CCDC69: variants seen among roughly 807,000 people sequenced by gnomAD.
CCDC69 encodes coiled-coil domain containing 69.
Under a neutral mutation model 40.3 loss-of-function variants are expected in CCDC69, and 38 were observed. The observed-to-expected ratio is 0.94, with a 90% CI of 0.73 to 1.24. The LOEUF (loss-of-function observed/expected upper bound fraction) is 1.24, where lower values mean the gene tolerates loss of function less well. CCDC69 is among the 50% of genes most tolerant of loss of function. CCDC69 has a pLI of 0.00. For missense variants in CCDC69, 389 were observed against 357.9 expected (o/e 1.09, Z -0.70); for synonymous variants, 141 against 138.9 (o/e 1.02, Z -0.11).
At chr5:151,187,075 C>T (rs1304756623) in intron 5 of CCDC69, among the ~76,000 whole-genome samples, 2 of 152,180 alleles carry the variant, frequency 1.3e-5, no homozygotes, top group Non-Finnish European at 2.9e-5. Context: ...CAGATGCTTC[C>T]CTGCATCCTT....
At chr5:151,197,512 G>A (rs1478830257) in intron 4 of CCDC69, among the ~76,000 whole-genome samples, 3 of 152,058 alleles carry the variant, frequency 2.0e-5, no homozygotes, top group Admixed American at 6.6e-5. Flanking sequence ...AACAGAGCGA[G>A]ACCCTGTCTC....
chr5:151,190,699 G>C (rs907389716), intron 4 of CCDC69, among the ~76,000 whole-genome samples: 2 of 141,834 alleles, frequency 1.4e-5, no homozygotes, highest in African/African-American at 5.3e-5. Flanking sequence ...ACTCTAAGTA[G>C]ATTGTTAAGT....
chr5:151,215,533 TG>T, intron 1 of CCDC69: 6 of 298,320 alleles, frequency 2.0e-5, no homozygotes, highest in South Asian at 1.4e-4. Context: ...CACACTCAGC[TG>T]TTAGCTCTGG....
At chr5:151,192,523 G>C (rs985210808) in intron 4 of CCDC69, among the ~76,000 whole-genome samples, 2 of 151,552 alleles carry the variant, frequency 1.3e-5, no homozygotes, top group East Asian at 3.9e-4. Flanking sequence ...AAAAGAAATT[G>C]AATTTGTTGT....
chr5:151,219,753 C>T (rs756782542), intron 1 of CCDC69, among the ~76,000 whole-genome samples: 1 of 152,090 alleles, frequency 6.6e-6, no homozygotes, highest in East Asian at 1.9e-4. Flanking sequence ...ATTTCTTATA[C>T]TTTCCCACAT....
chr5:151,189,233 G>A (rs974954275), intron 4 of CCDC69, among the ~76,000 whole-genome samples: 6 of 152,112 alleles, frequency 3.9e-5, no homozygotes, highest in African/African-American at 1.4e-4. Context: ...AAGTAAGAGT[G>A]AATATACTTT....
chr5:151,192,348 A>G (rs533663005), intron 4 of CCDC69, among the ~76,000 whole-genome samples: 1 of 152,118 alleles, frequency 6.6e-6, no homozygotes, highest in African/African-American at 2.4e-5. Context: ...ATGAAATATC[A>G]CTACAGACAC....
At chr5:151,203,268 G>A (rs1262241810) in intron 2 of CCDC69, among the ~76,000 whole-genome samples, 1 of 151,982 alleles carries the variant, frequency 6.6e-6, no homozygotes, top group African/African-American at 2.4e-5. Context: ...CCAGCACTTT[G>A]GGAGGCCGAG....
chr5:151,194,890 T>TAAAA (rs1315197834), intron 4 of CCDC69, among the ~76,000 whole-genome samples: 1 of 27,868 alleles, frequency 3.6e-5, no homozygotes, highest in African/African-American at 1.7e-4. Context: ...AGCCTCCATC[T>TAAAA]CAAAAAAAAA....
In CCDC69 at chr5:151,183,474, G is replaced by A. The variant is rs751524937; in HGVS notation, c.854C>T (p.Pro285Leu). Residue 285 changes from proline to leucine, a missense_variant, in exon 9 of 9, where the codon CCT becomes CTT. By Grantham distance (98) the Pro-to-Leu change is moderately conservative. Transcript: ENST00000355417. ...ANASPAFPLA[P>L]VTPTEVSFLA... The stretch of plus-strand genomic sequence containing the variant: ...GAAAGAGACCTCAGTGGGAGTGACA[G>A]GGGCCAGAGGGAAGGCAGGCGAGGC... 3 of 1,606,188 alleles carry A rather than the reference G, an allele frequency of 1.9e-6. No individual in the cohort carries two copies. Among genetic ancestry groups the A allele is most frequent in the Middle Eastern group, 1.7e-4 (1 of 6,048 alleles).
intron 7 of CCDC69, 110 bp from the exon 8 acceptor site, chr5:151,184,551 A>G: frequency 3.1e-6 from 2 of 655,738 alleles, no homozygotes; most frequent in Non-Finnish European, 5.4e-6. Context: ...ATTCTAGACT[A>G]GATGTTACAT....
intron 8 of CCDC69, among the ~76,000 whole-genome samples, chr5:151,183,958 TGA>T (rs1160077408): frequency 1.3e-5 from 2 of 152,176 alleles, no homozygotes; most frequent in African/African-American, 4.8e-5. Context: ...GAGGATTAGA[TGA>T]GAAAATATGT....
At position 151,201,670 on chromosome 5, in the gene CCDC69, C is replaced by G; in HGVS notation, c.143G>C (p.Cys48Ser). Residue 48 changes from cysteine to serine, a missense_variant, in exon 3 of 9, where the codon TGT becomes TCT. Transcript: ENST00000355417. ...NGDTAITVQLCASEEAERHQK... is the reference protein window; with the variant it reads ...NGDTAITVQLSASEEAERHQK... ...GTGCCGCTCAGCCTCCTCTGATGCA[C>G]AGAGCTGGACAGTTATAGCTAGAGA... 1 of 1,610,714 alleles carries G rather than the reference C, an allele frequency of 6.2e-7. No individual in the cohort carries two copies. The highest frequency in any genetic ancestry group is 8.5e-7 in the Non-Finnish European group (1 of 1,178,454).
In CCDC69 at chr5:151,221,293, C is replaced by T. The variant is rs548236798; in HGVS notation, c.48+2630G>A. Among the ~76,000 whole-genome samples, 9 of 152,292 alleles carry T rather than the reference C, an allele frequency of 5.9e-5. No individual in the cohort carries two copies. The South Asian group carries it at 1.7e-3, about 28-fold the overall frequency. ...AAAGTGCCTGCCTCATTCCTTGCTG[C>T]CTGCCACCTCCATTCTCCACAAAGA... is the stretch of plus-strand genomic sequence containing the variant. On this transcript the variant is annotated intron_variant, in intron 1 of 8. Coordinates refer to ENST00000355417, the MANE Select transcript of CCDC69 (RefSeq NM_015621.3).
intron 5 of CCDC69, 128 bp from the exon 6 acceptor site, chr5:151,186,252 A>C: frequency 1.4e-6 from 1 of 700,098 alleles, no homozygotes; most frequent in Non-Finnish European, 2.6e-6. Flanking sequence ...CTACATGACA[A>C]TGCAACATCA....
chr5:151,199,046 C>G lies in CCDC69; in HGVS notation c.270G>C (p.Leu90=), dbSNP rs1245302074. The G allele has an allele frequency of 1.2e-6, 2 of 1,614,140 alleles. No individual in the cohort carries two copies. Among genetic ancestry groups the G allele is most frequent in the African/African-American group, 2.7e-5 (2 of 75,030 alleles). Reference sequence around the variant, plus strand: ...CTTCCAGGACCCTTTGCTGCTCATCCAGTCTGTCTCGAAGCTCTAGCTCCC... The same window carrying G: ...CTTCCAGGACCCTTTGCTGCTCATCGAGTCTGTCTCGAAGCTCTAGCTCCC... ...KERELELRDR[L]DEQQRVLEGK... The change falls in exon 4 of 9, where the codon CTG becomes CTC. Residue 90 remains leucine, a synonymous_variant. Transcript: ENST00000355417.
intron 1 of CCDC69, among the ~76,000 whole-genome samples, chr5:151,209,259 G>A (rs13355069): frequency 0.035 from 5,377 of 152,288 alleles, 312 homozygotes; most frequent in African/African-American, 0.12. Flanking sequence ...TGCATAAGAC[G>A]ATTGCCATGT....
In CCDC69 at chr5:151,181,496, G is replaced by A. The variant is rs547153800; in HGVS notation, c.*1941C>T. On this transcript the variant is annotated 3_prime_UTR_variant, in exon 9 of 9. Coordinates refer to ENST00000355417, the MANE Select transcript of CCDC69 (RefSeq NM_015621.3). ...GCCTCCCAAAGTGCTGGGATTACAGGCGTGAGCCACTGTGCCTGGACTAAA... is the reference window on the plus strand; with the variant it reads ...GCCTCCCAAAGTGCTGGGATTACAGACGTGAGCCACTGTGCCTGGACTAAA... 32 of 152,614 alleles carry A rather than the reference G, an allele frequency of 2.1e-4. No homozygotes were observed. In the East Asian group the frequency reaches 4.4e-3, roughly 21 times the overall value. 9.5% of individuals were successfully genotyped at this position (152,614 alleles called of 1,614,324 possible). A position where few individuals can be genotyped will look rare whatever the true frequency, so the allele number is the denominator to read the frequency against.
intron 8 of CCDC69, 88 bp from the exon 9 acceptor site, chr5:151,183,702 G>A: frequency 1.7e-6 from 2 of 1,208,994 alleles, no homozygotes; most frequent in South Asian, 1.5e-5. Context: ...TTCCTTAGAT[G>A]GACCAGCAGC....
Sources: allele counts gnomAD v4.1 joint callset (sites outside exome capture counted in the v4.1 genomes callset), GRCh38; gene constraint gnomAD v4.1.1; transcripts MANE v1.5; gene names NCBI Gene and HGNC (gene_info 2026-07-23, HGNC 2026-07-21).